Variants in PRPSAP2 observed in about 807,000 individuals in gnomAD.
PRPSAP2 encodes phosphoribosyl pyrophosphate synthetase associated protein 2, also known as phosphoribosyl pyrophosphate synthase-associated protein 2.
Under a neutral mutation model 40.6 loss-of-function variants are expected in PRPSAP2, and 24 were observed. That is an observed-to-expected ratio of 0.59 (90% CI 0.43 to 0.83). PRPSAP2 has a LOEUF of 0.83. Ranked by LOEUF, PRPSAP2 falls within the 40% of genes least tolerant of loss-of-function variation. The pLI, the probability that PRPSAP2 is intolerant of heterozygous loss-of-function variation, is 0.00. For missense variants in PRPSAP2, 292 were observed against 465.6 expected (o/e 0.63, Z 3.43); for synonymous variants, 149 against 164.7 (o/e 0.90, Z 0.73).
chr17:18,911,233 C>T lies in PRPSAP2; in HGVS notation c.715C>T (p.Pro239Ser), dbSNP rs750526023. 1 of 1,611,634 alleles carries T rather than the reference C, an allele frequency of 6.2e-7. No homozygotes were observed. ...PMVRSVAAIH[P>S]SLEIPMLIPK... is the part of the protein sequence containing the mutation. The stretch of plus-strand genomic sequence containing the variant: ...GGTCAGAAGTGTGGCTGCCATCCAC[C>T]CCAGCCTGGAGATCCCCAGTAAGTG... The change falls in exon 9 of 12, where the codon CCC becomes TCC. Residue 239 changes from proline (P) to serine (S), a missense_variant. Physicochemically the swap from Pro to Ser is moderately conservative, Grantham distance 74 (BLOSUM62 -1). This residue lies in a region of PRPSAP2 where 241 missense variants were observed against 425.7 expected (regional missense o/e 0.57). Coordinates refer to ENST00000268835, the MANE Select transcript of PRPSAP2 (RefSeq NM_002767.4). The surrounding 1 kb of genome is among the most constrained non-coding windows in gnomAD (Gnocchi z 4.5).
At chr17:18,877,653 T>C (rs772172938) in intron 5 of PRPSAP2, 45 bp from the exon 6 acceptor site, 5 of 1,534,244 alleles carry the variant, frequency 3.3e-6, no homozygotes, top group Non-Finnish European at 4.4e-6. Flanking sequence ...CAGGGAATAC[T>C]GTGTTGTAGA....
At chr17:18,918,735 G>A (rs1046086123) in intron 9 of PRPSAP2, among the ~76,000 whole-genome samples, 1 of 152,150 alleles carries the variant, frequency 6.6e-6, no homozygotes, top group East Asian at 1.9e-4. Flanking sequence ...CTGTCCAGTC[G>A]GGTGGCCACT....
chr17:18,908,541 G>T, intron 8 of PRPSAP2: 1 of 749,984 alleles, frequency 1.3e-6, no homozygotes. Flanking sequence ...CTCATGCGGA[G>T]GGACAAGACC....
chr17:18,866,072 T>TAAA, intron 3 of PRPSAP2, 120 bp downstream of exon 3: 1 of 687,858 alleles, frequency 1.5e-6, no homozygotes, highest in Non-Finnish European at 1.9e-6. Context: ...AAAATAATTA[T>TAAA]ATCTTTTTTT....
At chr17:18,915,654 GC>G (rs1237639316) in intron 9 of PRPSAP2, among the ~76,000 whole-genome samples, 1 of 152,042 alleles carries the variant, frequency 6.6e-6, no homozygotes, top group Non-Finnish European at 1.5e-5. Context: ...AGCCTGGGAA[GC>G]CAAACTCATT....
At chr17:18,903,573 A>G (rs2040412192) in intron 8 of PRPSAP2, among the ~76,000 whole-genome samples, 1 of 152,110 alleles carries the variant, frequency 6.6e-6, no homozygotes, top group Non-Finnish European at 1.5e-5. Context: ...ATCTCTACCA[A>G]AAATACAAAA....
At chr17:18,880,064 C>A (rs1458956350) in intron 6 of PRPSAP2, among the ~76,000 whole-genome samples, 1 of 152,026 alleles carries the variant, frequency 6.6e-6, no homozygotes, top group Non-Finnish European at 1.5e-5. Context: ...CCGTTGCACT[C>A]CAGCCTGGGC....
intron 8 of PRPSAP2, among the ~76,000 whole-genome samples, chr17:18,907,668 G>A (rs1014781721): frequency 6.6e-6 from 1 of 152,080 alleles, no homozygotes; most frequent in Non-Finnish European, 1.5e-5. Context: ...TGATAATTAT[G>A]CAAGCCATAC....
rs887474957 is a variant in PRPSAP2, at chr17:18,865,884, A to C, written c.51A>C (p.Lys17Asn). 3.2e-6 allele frequency: 5 copies of C among 1,549,044 alleles called. No homozygotes were observed. Among genetic ancestry groups the C allele is most frequent in the Admixed American group, 3.5e-5 (2 of 56,616 alleles). Residue 17 changes from lysine (K) to asparagine (N), a missense_variant, in exon 3 of 12, where the codon AAA (lysine) becomes AAC (asparagine). Around this residue, in one of 2 missense-constraint regions of PRPSAP2, gnomAD observed 51 missense variants for 40.0 expected, o/e 1.28. Coordinates refer to ENST00000268835, the MANE Select transcript of PRPSAP2 (RefSeq NM_002767.4). ...PELETKMNIT[K>N]GGLVLFSANS... ...TAGAAACCAAGATGAACATAACCAA[A>C]GGTGGTCTGGTGTTGTTTTCAGCAA...
intron 4 of PRPSAP2, among the ~76,000 whole-genome samples, chr17:18,867,844 A>C (rs1194870256): frequency 6.6e-6 from 1 of 152,234 alleles, no homozygotes; most frequent in Non-Finnish European, 1.5e-5. Context: ...AGTGTTATTT[A>C]ACCTTTGTAG....
intron 8 of PRPSAP2, among the ~76,000 whole-genome samples, chr17:18,892,147 A>T (rs2039585429): frequency 6.6e-6 from 1 of 152,112 alleles, no homozygotes; most frequent in Non-Finnish European, 1.5e-5. Context: ...GAGCCACCGC[A>T]CTTGGCCAGT....
chr17:18,912,597 A>G (rs746365219), intron 9 of PRPSAP2, among the ~76,000 whole-genome samples: 4 of 152,174 alleles, frequency 2.6e-5, no homozygotes, highest in Non-Finnish European at 5.9e-5. Flanking sequence ...AATATCATCT[A>G]AATCAAATAT....
intron 9 of PRPSAP2, among the ~76,000 whole-genome samples, chr17:18,920,181 C>T (rs1308795604): frequency 1.3e-5 from 2 of 152,172 alleles, no homozygotes; most frequent in East Asian, 3.8e-4. Flanking sequence ...ATATGTTCCT[C>T]TTCAGTCCTG....
rs1214923773 is a variant in PRPSAP2 at position 18,864,018 on chromosome 17, A to AT, written c.-128-1444dup. Among the ~76,000 whole-genome samples, 4 of 147,368 alleles carry AT rather than the reference A, an allele frequency of 2.7e-5. No individual in the cohort carries two copies. The East Asian group carries it at 8.1e-4, about 30-fold the overall frequency. ...CCATGCCTGGCTTATTTTTATTTTTATTTTTTTGTATTTTTAGTAGAGATG... is the reference window on the plus strand; with the variant it reads ...CCATGCCTGGCTTATTTTTATTTTTATTTTTTTTGTATTTTTAGTAGAGATG... On this transcript the variant is annotated intron_variant, in intron 1 of 11. Coordinates refer to ENST00000268835, the MANE Select transcript of PRPSAP2 (RefSeq NM_002767.4).
chr17:18,909,468 T>A lies in PRPSAP2; in HGVS notation c.585-1635T>A, dbSNP rs951770617. The stretch of plus-strand genomic sequence containing the variant: ...ACCGTGTTAGCCAGGATGGTCTTGA[T>A]CTCCTGACCTCATGATCCGCCCACC... On this transcript the variant is annotated intron_variant, in intron 8 of 11. Coordinates refer to ENST00000268835, the MANE Select transcript of PRPSAP2 (RefSeq NM_002767.4). Among the ~76,000 whole-genome samples the A allele has an allele frequency of 1.2e-3, 186 of 151,866 alleles. 2 individuals are homozygous for A. Among genetic ancestry groups the A allele is most frequent in the Non-Finnish European group, 1.4e-3 (96 of 67,894 alleles).
intron 8 of PRPSAP2, among the ~76,000 whole-genome samples, chr17:18,902,774 CAGG>C (rs2040347049): frequency 6.9e-6 from 1 of 144,614 alleles, no homozygotes; most frequent in Non-Finnish European, 1.5e-5. Context: ...GAGGCTGAGG[CAGG>C]AGAATTGCTT....
At chr17:18,927,472 A>G (rs181147152) in intron 10 of PRPSAP2, among the ~76,000 whole-genome samples, 108 of 152,314 alleles carry the variant, frequency 7.1e-4, no homozygotes, top group African/African-American at 2.4e-3. Flanking sequence ...GTTGTTTTGT[A>G]TATTAATATG....
chr17:18,881,561 A>G (rs2038745037), intron 6 of PRPSAP2, among the ~76,000 whole-genome samples: 1 of 149,934 alleles, frequency 6.7e-6, no homozygotes, highest in Non-Finnish European at 1.5e-5. Context: ...TTTTGAGGCA[A>G]GATCTCACTC....
chr17:18,915,822 A>ATT (rs373945656), intron 9 of PRPSAP2, among the ~76,000 whole-genome samples: 7 of 144,196 alleles, frequency 4.9e-5, no homozygotes, highest in African/African-American at 7.6e-5. Flanking sequence ...CTGGGGATCA[A>ATT]TTTTTTTTTT....
Sources: gnomAD v4.1 joint callset for allele counts (sites outside exome capture counted in the v4.1 genomes callset) on GRCh38, gnomAD v4.1.1 for gene constraint, gnomAD v4.1.1 regional missense constraint, Gnocchi (gnomAD v3.1) non-coding constraint, MANE v1.5 for transcripts, NCBI Gene and HGNC (gene_info 2026-07-23, HGNC 2026-07-21) for gene names.